Variants in EPHA7 observed in about 807,000 individuals in gnomAD.
The protein encoded by EPHA7 is ephrin type-A receptor 7.
A neutral mutation model predicts 112.6 loss-of-function variants in EPHA7; 25 were observed. That is an observed-to-expected ratio of 0.22 (90% CI 0.16 to 0.31). EPHA7 has a LOEUF of 0.31. Among genes scored for constraint, EPHA7 ranks in the 10% least tolerant of loss-of-function variants. The probability of loss-of-function intolerance (pLI) is 1.00; values close to 1 mark genes in which losing one functional copy is unlikely to be tolerated. For missense variants in EPHA7, 962 were observed against 1,212.6 expected (o/e 0.79, Z 3.07); for synonymous variants, 437 against 406.5 (o/e 1.07, Z -0.90).
At chr6:93,398,578 A>G (rs7773954) in intron 3 of EPHA7, among the ~76,000 whole-genome samples, 3,945 of 134,556 alleles carry the variant, frequency 0.029, 166 homozygotes, top group African/African-American at 0.11. Context: ...CTATAAGAGA[A>G]GATGGAGAAG....
At chr6:93,374,343 C>T (rs1266179235) in intron 3 of EPHA7, among the ~76,000 whole-genome samples, 1 of 152,082 alleles carries the variant, frequency 6.6e-6, no homozygotes. Context: ...TAGACAAATA[C>T]TCTATGTTTC....
At chr6:93,304,393 C>T (rs1250369763) in intron 5 of EPHA7, among the ~76,000 whole-genome samples, 1 of 152,018 alleles carries the variant, frequency 6.6e-6, no homozygotes, top group Non-Finnish European at 1.5e-5. Flanking sequence ...ATTTCTGGAG[C>T]TGCCAATGCT....
chr6:93,414,890 G>A (rs1779150658), intron 1 of EPHA7, 123 bp from the exon 2 acceptor site: 1 of 723,958 alleles, frequency 1.4e-6, no homozygotes. Context: ...AGTTATTTAT[G>A]TAAATCAATG....
chr6:93,360,309 T>A (rs1331701614), intron 3 of EPHA7, among the ~76,000 whole-genome samples: 1 of 145,182 alleles, frequency 6.9e-6, no homozygotes, highest in Non-Finnish European at 1.5e-5. Context: ...CTTTATGTAT[T>A]ATTTGTAATT....
intron 7 of EPHA7, among the ~76,000 whole-genome samples, chr6:93,266,874 A>T (rs963335503): frequency 5.9e-5 from 9 of 151,744 alleles, no homozygotes; most frequent in African/African-American, 1.9e-4. Context: ...CTTAATTCTT[A>T]GCATAGTACC....
intron 5 of EPHA7, among the ~76,000 whole-genome samples, chr6:93,316,102 T>G (rs901101792): frequency 6.6e-6 from 1 of 152,128 alleles, no homozygotes; most frequent in Non-Finnish European, 1.5e-5. Context: ...TGTGCTAACA[T>G]AGGAAGGGCC....
chr6:93,395,419 G>A (rs1352234132), intron 3 of EPHA7, among the ~76,000 whole-genome samples: 1 of 151,744 alleles, frequency 6.6e-6, no homozygotes, highest in Non-Finnish European at 1.5e-5. Context: ...AGCCAAACGA[G>A]CTTGTTCTGC....
At chr6:93,335,621 T>TA (rs2127910619) in intron 5 of EPHA7, among the ~76,000 whole-genome samples, 1 of 152,182 alleles carries the variant, frequency 6.6e-6, no homozygotes, top group South Asian at 2.1e-4. Context: ...GTTAGACCCA[T>TA]AACTTAACCA....
chr6:93,401,615 T>C (rs929933691), intron 3 of EPHA7, among the ~76,000 whole-genome samples: 3 of 152,110 alleles, frequency 2.0e-5, no homozygotes, highest in African/African-American at 7.2e-5. Context: ...TAAAAACTTA[T>C]ATGTGCATGT....
At position 93,322,245 on chromosome 6, in the gene EPHA7, C is replaced by A. The variant is rs1343432045; in HGVS notation, c.1324+34472G>T. 2.0e-5 allele frequency among the ~76,000 whole-genome samples: 3 copies of A among 151,456 alleles called. No individual in the cohort carries two copies. In the East Asian group the frequency reaches 5.8e-4, roughly 29 times the overall value. ...TGTAAAGTATACTATATAATTTACA[C>A]TGTAGGAAAGTGAGATAAAAGAAGT... is the stretch of plus-strand genomic sequence containing the variant. On this transcript the variant is annotated intron_variant, in intron 5 of 16. Coordinates refer to ENST00000369303, the MANE Select transcript of EPHA7 (RefSeq NM_004440.4).
At chr6:93,357,085 C>A (rs1183209732) in intron 4 of EPHA7, 33 bp from the exon 5 acceptor site, 4 of 1,471,746 alleles carry the variant, frequency 2.7e-6, no homozygotes, top group African/African-American at 1.4e-5. Context: ...AGTAAATAAG[C>A]AAAAATAGAA....
In EPHA7 at chr6:93,276,420, AC is replaced by A. The variant is rs374993363; in HGVS notation, c.1325-3999del. The stretch of plus-strand genomic sequence containing the variant: ...AGAGCAAAGAATTTGAATTCTTCCA[AC>A]AACAGGAATGAGCTTGGAAGTGGAT... On this transcript the variant is annotated intron_variant, in intron 5 of 16. Transcript: ENST00000369303. 1.2e-3 allele frequency among the ~76,000 whole-genome samples: 181 copies of A among 152,166 alleles called. 2 individuals carry two copies. In the East Asian group the frequency reaches 0.026, roughly 22 times the overall value.
intron 5 of EPHA7, among the ~76,000 whole-genome samples, chr6:93,335,270 ACTT>A (rs1774809031): frequency 6.6e-6 from 1 of 152,242 alleles, no homozygotes; most frequent in Admixed American, 6.6e-5. Context: ...AAATTATTCT[ACTT>A]CTGTTTTTAG....
intron 3 of EPHA7, among the ~76,000 whole-genome samples, chr6:93,397,146 A>G (rs1180390949): frequency 6.6e-6 from 1 of 151,784 alleles, no homozygotes; most frequent in Non-Finnish European, 1.5e-5. Flanking sequence ...TAAGGTGGAG[A>G]AGCCCATTAA....
chr6:93,405,821 A>G (rs1387086024), intron 3 of EPHA7, among the ~76,000 whole-genome samples: 22,059 of 85,206 alleles, frequency 0.26, 1,951 homozygotes, highest in African/African-American at 0.31. Context: ...GTGTATATAT[A>G]TATATATATA....
At chr6:93,396,105 A>C (rs1778159052) in intron 3 of EPHA7, among the ~76,000 whole-genome samples, 1 of 151,868 alleles carries the variant, frequency 6.6e-6, no homozygotes, top group African/African-American at 2.4e-5. Flanking sequence ...AGAAAATGCT[A>C]AACTATTTAT....
intron 5 of EPHA7, among the ~76,000 whole-genome samples, chr6:93,315,991 C>T (rs180983717): frequency 6.6e-6 from 1 of 152,176 alleles, no homozygotes; most frequent in East Asian, 1.9e-4. Context: ...ACTAAAGTTC[C>T]TCTAAGTCAA....
intron 14 of EPHA7, among the ~76,000 whole-genome samples, chr6:93,253,012 T>G (rs1770281960): frequency 6.6e-6 from 1 of 152,074 alleles, no homozygotes; most frequent in African/African-American, 2.4e-5. Context: ...CTTAACCATT[T>G]CCATTATTTG....
At chr6:93,265,321 T>A (rs947191580) in intron 7 of EPHA7, among the ~76,000 whole-genome samples, 1 of 151,720 alleles carries the variant, frequency 6.6e-6, no homozygotes, top group African/African-American at 2.4e-5. Context: ...TAGCCTATTT[T>A]AGAAAAAGCA....
Sources: allele counts gnomAD v4.1 joint callset (sites outside exome capture counted in the v4.1 genomes callset), GRCh38; gene constraint gnomAD v4.1.1; transcripts MANE v1.5; gene names NCBI Gene and HGNC (gene_info 2026-07-23, HGNC 2026-07-21).